Variants in LANCL1 observed in about 807,000 individuals in gnomAD.
LANCL1 encodes the protein glutathione S-transferase LANCL1.
LANCL1 carries 50 observed loss-of-function variants against 50.6 expected under a neutral mutation model. That is an observed-to-expected ratio of 0.99 (90% confidence interval 0.79 to 1.25). The LOEUF (loss-of-function observed/expected upper bound fraction) is 1.25, where lower values mean the gene tolerates loss of function less well. Ranked by LOEUF, LANCL1 falls within the 50% of genes most tolerant of loss-of-function variation. The pLI is 0.00. For missense variants in LANCL1, 532 were observed against 480.7 expected, an observed-to-expected ratio of 1.11 and a Z score of -1.00; for synonymous variants, 188 against 178.6, an observed-to-expected ratio of 1.05 and a Z score of -0.42.
intron 4 of LANCL1, among the ~76,000 whole-genome samples, chr2:210,446,628 C>T (rs540738759): frequency 2.0e-5 from 3 of 151,200 alleles, no homozygotes; most frequent in African/African-American, 7.3e-5. Flanking sequence ...AGAGGAATTG[C>T]TAACTAGAAT....
chr2:210,476,533 G>A, intron 1 of LANCL1, 87 bp downstream of exon 1: 2 of 1,412,602 alleles, frequency 1.4e-6, no homozygotes, highest in African/African-American at 1.5e-5. Flanking sequence ...AGCCGTCTCG[G>A]CGGTCCGAGT....
chr2:210,477,356 C>T (rs1033509632), upstream of LANCL1: 13 of 265,714 alleles, frequency 4.9e-5, no homozygotes, highest in Non-Finnish European at 7.9e-5. Flanking sequence ...ATACTGAAAA[C>T]CAACACAGCA....
chr2:210,469,010 G>A (rs976382908), intron 3 of LANCL1: 1 of 152,110 alleles, frequency 6.6e-6, no homozygotes, highest in Admixed American at 6.5e-5. Context: ...AACAAAATAA[G>A]ATGTTAAAGT....
Position 210,476,334 on chromosome 2 carries a change from G to A in LANCL1, c.63C>T (p.Tyr21=), listed in dbSNP as rs952292554. The stretch of plus-strand genomic sequence containing the variant: ...AACTCACCCTCCCGGCAGCATCAAA[G>A]TAGCCTTCGGCCAGGGATTTGTTAT... The part of the protein sequence containing the change: ...ADYNKSLAEG[Y]FDAAGRLTPE... Residue 21 remains tyrosine (Y), a synonymous_variant, in exon 2 of 10, where the codon TAC becomes TAT. Transcript: ENST00000450366. 1.2e-6 allele frequency: 2 copies of A among 1,613,902 alleles called. No individual in the cohort carries two copies. The highest frequency in any genetic ancestry group is 2.7e-5 in the African/African-American group (2 of 75,064).
rs1406500309 is a variant in LANCL1, at chr2:210,453,456, GAC to G, written c.407+1649_407+1650del. Among the ~76,000 whole-genome samples the G allele has an allele frequency of 8.5e-5, 13 of 152,292 alleles. No individual in the cohort carries two copies. The East Asian group carries it at 2.5e-3, about 29-fold the overall frequency. ...CAGAAGAAGCTAAGCAGCCGGTAAA[GAC>G]ACATATTTAATTTTGTTTAATTAGT... On this transcript the variant is annotated intron_variant, in intron 4 of 9. Transcript: ENST00000450366.
chr2:210,435,893 C>CTTTTTTTTTTT (rs71043994), intron 8 of LANCL1, among the ~76,000 whole-genome samples: 1 of 64,228 alleles, frequency 1.6e-5, no homozygotes, highest in African/African-American at 6.8e-5. Flanking sequence ...GGGAGACCTG[C>CTTTTTTTTTTT]TTTTTTTTTT....
intron 6 of LANCL1, among the ~76,000 whole-genome samples, chr2:210,440,017 C>T (rs943685379): frequency 6.6e-6 from 1 of 152,168 alleles, no homozygotes; most frequent in African/African-American, 2.4e-5. Context: ...GTTATGTCTG[C>T]TGCAGTAAAT....
chr2:210,460,119 C>G (rs1328714194), intron 3 of LANCL1, among the ~76,000 whole-genome samples: 1 of 152,152 alleles, frequency 6.6e-6, no homozygotes, highest in Non-Finnish European at 1.5e-5. Context: ...AAATACTTTT[C>G]TGCGATTTTG....
rs1389646154 is a variant in LANCL1, at chr2:210,441,344, A to T, written c.507T>A (p.Phe169Leu). 1.2e-6 allele frequency: 2 copies of T among 1,613,414 alleles called. No homozygotes were observed. Among genetic ancestry groups the T allele is most frequent in the South Asian group, 1.1e-5 (1 of 90,984 alleles). ...IYALLFVNKN[F>L]GVEKIPQSHI... ...GGCTTTGAGGAATCTTTTCCACTCC[A>T]AAGTTCTTATTGACAAAAAGAAGAG... The change falls in exon 5 of 10, where the codon TTT (phenylalanine) becomes TTA (leucine). Residue 169 changes from phenylalanine (F) to leucine (L), a missense_variant. By Grantham distance (22) the Phe-to-Leu change is conservative (BLOSUM62 0). Coordinates refer to ENST00000450366, the MANE Select transcript of LANCL1 (RefSeq NM_006055.3).
At chr2:210,473,957 C>T (rs138030205) in intron 2 of LANCL1, among the ~76,000 whole-genome samples, 17 of 152,296 alleles carry the variant, frequency 1.1e-4, no homozygotes, top group African/African-American at 1.7e-4. Flanking sequence ...ATTGAGAACA[C>T]GTCATCTACT....
chr2:210,455,068 T>C, intron 4 of LANCL1, 39 bp downstream of exon 4: 4 of 1,538,560 alleles, frequency 2.6e-6, no homozygotes, highest in Non-Finnish European at 3.6e-6. Flanking sequence ...TAATGCATAA[T>C]GATGCTAGAA....
At chr2:210,467,803 A>G (rs1007065271) in intron 3 of LANCL1, among the ~76,000 whole-genome samples, 2 of 152,196 alleles carry the variant, frequency 1.3e-5, no homozygotes, top group African/African-American at 2.4e-5. Flanking sequence ...TTCAAGATCA[A>G]CTGAGCAACT....
intron 3 of LANCL1, among the ~76,000 whole-genome samples, chr2:210,463,046 T>C (rs895568818): frequency 6.6e-6 from 1 of 152,140 alleles, no homozygotes; most frequent in Admixed American, 6.6e-5. Flanking sequence ...TATACACACA[T>C]GCTCATAGGG....
intron 3 of LANCL1, among the ~76,000 whole-genome samples, chr2:210,459,170 A>G (rs1211715435): frequency 6.6e-6 from 1 of 152,078 alleles, no homozygotes. Flanking sequence ...TAGAGTTTAG[A>G]ATTATTTTAT....
chr2:210,436,804 C>T (rs1278001678), intron 7 of LANCL1, among the ~76,000 whole-genome samples: 2 of 152,158 alleles, frequency 1.3e-5, no homozygotes. Flanking sequence ...ATTAAATATG[C>T]AGTCAGAAAA....
chr2:210,435,450 A>T lies in LANCL1; in HGVS notation c.1060T>A (p.Trp354Arg), dbSNP rs1692894813. The change falls in exon 9 of 10, where the codon TGG becomes AGG. Residue 354 changes from tryptophan to arginine, a missense_variant. Trp to Arg is a moderately radical substitution (Grantham distance 101, BLOSUM62 -3). Coordinates refer to ENST00000450366, the MANE Select transcript of LANCL1 (RefSeq NM_006055.3). ...YLYRACKFAE[W>R]CLEYGEHGCR... ...CCATGTTCTCCATACTCTAAGCACC[A>T]TTCAGCAAACTGAAAATGAGACCAA... 8 of 1,613,422 alleles carry T rather than the reference A, an allele frequency of 5.0e-6. No homozygotes were observed. The highest frequency in any genetic ancestry group is 5.9e-6 in the Non-Finnish European group (7 of 1,179,422).
At chr2:210,475,833 G>A (rs1694340920) in intron 2 of LANCL1, among the ~76,000 whole-genome samples, 1 of 151,832 alleles carries the variant, frequency 6.6e-6, no homozygotes, top group South Asian at 2.1e-4. Flanking sequence ...GAGTGACACC[G>A]GTACAAAGAA....
At chr2:210,458,265 T>C (rs1693727553) in intron 3 of LANCL1, among the ~76,000 whole-genome samples, 2 of 152,208 alleles carry the variant, frequency 1.3e-5, no homozygotes, top group South Asian at 2.1e-4. Flanking sequence ...ACTGTTATTT[T>C]AGATGTATTG....
In LANCL1 at chr2:210,437,035, G is replaced by A. The variant is rs73069774; in HGVS notation, c.874-643C>T. ...TATTTATGAGATGCCAGCGCCCAGCGATAGTCTGCAGAGTTGTAATTTGTT... is the reference window on the plus strand; with the variant it reads ...TATTTATGAGATGCCAGCGCCCAGCAATAGTCTGCAGAGTTGTAATTTGTT... On this transcript the variant is annotated intron_variant, in intron 7 of 9. Transcript: ENST00000450366. Among the ~76,000 whole-genome samples, 1,498 of 152,190 alleles carry A rather than the reference G, an allele frequency of 9.8e-3. 21 individuals are homozygous for A. The highest frequency in any genetic ancestry group is 0.034 in the African/African-American group (1,432 of 41,536).
Sources: allele counts gnomAD v4.1 joint callset (sites outside exome capture counted in the v4.1 genomes callset), GRCh38; gene constraint gnomAD v4.1.1; transcripts MANE v1.5; gene names NCBI Gene and HGNC (gene_info 2026-07-23, HGNC 2026-07-21).